The following SH3D19 variants were observed in gnomAD, a reference collection of about 807,000 sequenced individuals.
SH3D19 encodes the protein SH3 domain-containing protein 19.
A neutral mutation model predicts 112.1 loss-of-function variants in SH3D19; 58 were observed. That is an observed-to-expected ratio of 0.52 (90% CI 0.42 to 0.64). The LOEUF is 0.64. SH3D19 is among the 30% of genes least tolerant of loss of function. SH3D19 has a pLI of 0.00. For synonymous variants in SH3D19, 391 were observed against 448.5 expected (o/e 0.87, Z 1.62); for missense variants, 1,090 against 1,263.4 (o/e 0.86, Z 2.08).
At chr4:151,188,014 CT>C (rs1762059850) in intron 2 of SH3D19, among the ~76,000 whole-genome samples, 1 of 152,164 alleles carries the variant, frequency 6.6e-6, no homozygotes, top group African/African-American at 2.4e-5. Flanking sequence ...CCTTTCTCCC[CT>C]CCTACCCAAC....
chr4:151,284,352 T>C (rs140617116), intron 1 of SH3D19, among the ~76,000 whole-genome samples: 2 of 152,204 alleles, frequency 1.3e-5, no homozygotes, highest in Non-Finnish European at 2.9e-5. Context: ...ACATTTTAAG[T>C]CCATCTAGTG....
intron 2 of SH3D19, among the ~76,000 whole-genome samples, chr4:151,207,123 G>A (rs1765236265): frequency 6.6e-6 from 1 of 152,180 alleles, no homozygotes; most frequent in Non-Finnish European, 1.5e-5. Flanking sequence ...GGCCATAGGT[G>A]CCTTTCTTTC....
In SH3D19 at chr4:151,137,819, A is replaced by T; in HGVS notation, c.2340T>A (p.Tyr780Ter). Residue 780 changes from tyrosine (Y) to a stop codon, truncating the protein, a stop_gained, in exon 14 of 20, where the codon TAT (tyrosine) becomes TAA (stop). Coordinates refer to ENST00000604030, the MANE Select transcript of SH3D19 (RefSeq NM_001378122.1). LOFTEE classifies it high-confidence loss of function. ...DLNLTSGEIV[Y>*]LLEKIDTDWY... is the part of the protein sequence containing the mutation. Reference sequence around the variant, plus strand: ...AATCTGTATCTATCTTCTCCAGAAGATAAACAATTTCTCCAGAAGTGAGGT... The same window carrying T: ...AATCTGTATCTATCTTCTCCAGAAGTTAAACAATTTCTCCAGAAGTGAGGT... 6.2e-7 allele frequency: 1 copy of T among 1,610,924 alleles called. No homozygotes were observed. The highest frequency in any genetic ancestry group is 8.5e-7 in the Non-Finnish European group (1 of 1,178,818).
chr4:151,256,457 C>T (rs1482729924), intron 1 of SH3D19, among the ~76,000 whole-genome samples: 1 of 152,158 alleles, frequency 6.6e-6, no homozygotes, highest in Non-Finnish European at 1.5e-5. Flanking sequence ...AATATAAATA[C>T]TTCAATTAAA....
At chr4:151,214,535 C>T (rs111612888) in intron 2 of SH3D19, among the ~76,000 whole-genome samples, 3 of 132,830 alleles carry the variant, frequency 2.3e-5, no homozygotes, top group Non-Finnish European at 5.1e-5. Context: ...TAGGGGCGGC[C>T]GGGCAGAGGC....
chr4:151,227,650 A>G (rs1256493141), intron 1 of SH3D19: 16 of 620,344 alleles, frequency 2.6e-5, no homozygotes, highest in Admixed American at 6.3e-5. Context: ...ATCATTCTCC[A>G]GTTTTTAGCC....
At chr4:151,290,586 G>T (rs1775223901) in intron 1 of SH3D19, among the ~76,000 whole-genome samples, 2 of 152,262 alleles carry the variant, frequency 1.3e-5, no homozygotes, top group South Asian at 2.1e-4. Flanking sequence ...TCTTTTTAGG[G>T]TGATAAAAAT....
chr4:151,248,700 G>A (rs1334523558), intron 1 of SH3D19, among the ~76,000 whole-genome samples: 3 of 152,110 alleles, frequency 2.0e-5, no homozygotes, highest in Admixed American at 2.0e-4. Context: ...GGACTTTGAA[G>A]CCATACACAT....
intron 1 of SH3D19, among the ~76,000 whole-genome samples, chr4:151,294,252 T>G (rs987941629): frequency 1.3e-5 from 2 of 152,244 alleles, no homozygotes; most frequent in African/African-American, 2.4e-5. Context: ...ACCTGGATAT[T>G]GTTTATGGAG....
chr4:151,186,046 GA>G (rs972788566), intron 3 of SH3D19, among the ~76,000 whole-genome samples: 1 of 151,872 alleles, frequency 6.6e-6, no homozygotes, highest in African/African-American at 2.4e-5. Flanking sequence ...TATCGGGGGG[GA>G]AAAACAACCA....
intron 12 of SH3D19, chr4:151,140,834 G>C (rs1179644169): frequency 6.6e-6 from 1 of 152,234 alleles, no homozygotes; most frequent in Non-Finnish European, 1.5e-5. Flanking sequence ...GCTGATTGCA[G>C]CGCACTGTGA....
Position 151,127,711 on chromosome 4 carries a change from C to A in SH3D19, c.2934G>T (p.Glu978Asp). Residue 978 changes from glutamate to aspartate, a missense_variant, in exon 19 of 20, where the codon GAG becomes GAT. Glu to Asp is a conservative substitution (Grantham distance 45). Coordinates refer to ENST00000604030, the MANE Select transcript of SH3D19 (RefSeq NM_001378122.1). ...PAVFVRPCPA[E>D]AKSMLAIVPK... The stretch of plus-strand genomic sequence containing the variant: ...GTACTATGGCCAACATACTTTTTGC[C>A]TCAGCTGTGAAGACATAAAAAATTT... 6.3e-7 allele frequency: 1 copy of A among 1,588,864 alleles called. No homozygotes were observed. Among genetic ancestry groups the A allele is most frequent in the Admixed American group, 1.9e-5 (1 of 53,186 alleles).
chr4:151,216,223 G>T (rs936462757), intron 2 of SH3D19, among the ~76,000 whole-genome samples: 1 of 152,208 alleles, frequency 6.6e-6, no homozygotes, highest in African/African-American at 2.4e-5. Flanking sequence ...TGACTGTTCA[G>T]TAATTCTGTC....
chr4:151,221,388 C>T (rs548379478), intron 2 of SH3D19, among the ~76,000 whole-genome samples: 5 of 152,338 alleles, frequency 3.3e-5, no homozygotes, highest in African/African-American at 1.2e-4. Flanking sequence ...GCTTGATGCA[C>T]TGCTGGCCTG....
intron 2 of SH3D19, among the ~76,000 whole-genome samples, chr4:151,198,030 G>A (rs1763728284): frequency 6.6e-6 from 1 of 152,000 alleles, no homozygotes. Flanking sequence ...TTCAGGCCAG[G>A]TGCGGTGGCT....
At chr4:151,189,388 C>T (rs538654698) in intron 2 of SH3D19, among the ~76,000 whole-genome samples, 47 of 152,258 alleles carry the variant, frequency 3.1e-4, no homozygotes, top group African/African-American at 1.1e-3. Flanking sequence ...GCTGGGATTA[C>T]AGGTGTGAGC....
intron 17 of SH3D19, among the ~76,000 whole-genome samples, chr4:151,131,495 C>CT (rs949408809): frequency 1.4e-4 from 15 of 105,886 alleles, no homozygotes; most frequent in East Asian, 2.7e-4. Flanking sequence ...TTCTTTTTTT[C>CT]TTTTTTTTTG....
In SH3D19 at chr4:151,237,840, T is replaced by C. The variant is rs183428533; in HGVS notation, c.113-11754A>G. On this transcript the variant is annotated intron_variant, in intron 1 of 19. Transcript: ENST00000604030. ...CAGGGATTTCTTAATCTGCAGGATT[T>C]TTCTTTTTTATTACTGGTCAAGAGG... Among the ~76,000 whole-genome samples, 699 of 152,314 alleles carry C rather than the reference T, an allele frequency of 4.6e-3. 8 individuals are homozygous for C. The highest frequency in any genetic ancestry group is 0.041 in the Middle Eastern group (12 of 294).
chr4:151,307,669 A>C (rs1385033678), intron 1 of SH3D19, among the ~76,000 whole-genome samples: 1 of 152,266 alleles, frequency 6.6e-6, no homozygotes, highest in Non-Finnish European at 1.5e-5. Flanking sequence ...TGAACTGTGC[A>C]GCAGCTCAAA....
Sources: gnomAD v4.1 joint callset for allele counts (sites outside exome capture counted in the v4.1 genomes callset) on GRCh38, gnomAD v4.1.1 for gene constraint, MANE v1.5 for transcripts, NCBI Gene and HGNC (gene_info 2026-07-23, HGNC 2026-07-21) for gene names.